The following HRH1 variants were observed in gnomAD, a reference collection of about 807,000 sequenced individuals.
HRH1 encodes the protein histamine H1 receptor.
HRH1 carries 6 observed loss-of-function variants against 10.3 expected under a neutral mutation model. The ratio of observed to expected loss-of-function variants is 0.58; its 90% CI spans 0.32 to 1.15. The LOEUF (loss-of-function observed/expected upper bound fraction) is 1.15. Among genes scored for constraint, HRH1 ranks in the 50% most tolerant of loss-of-function variants. HRH1 has a pLI of 0.05. For synonymous variants in HRH1, 242 were observed against 236.7 expected (o/e 1.02, Z -0.21); for missense variants, 514 against 615.3 (o/e 0.84, Z 1.74).
At position 11,260,242 on chromosome 3, in the gene HRH1, T is replaced by C; in HGVS notation, c.1205T>C (p.Val402Ala). ...KRLRSHSRQYVSGLHMNRERK... is the reference protein window; with the variant it reads ...KRLRSHSRQYASGLHMNRERK... ...CTCCGCTCGCATTCAAGACAGTATG[T>C]ATCTGGGTTGCACATGAACCGCGAA... Residue 402 changes from valine (V) to alanine (A), a missense_variant, in exon 2 of 2, where the codon GTA becomes GCA. Val to Ala is a moderately conservative substitution (Grantham distance 64). Coordinates refer to ENST00000431010, the MANE Select transcript of HRH1 (RefSeq NM_001098212.2). 6.2e-7 allele frequency: 1 copy of C among 1,614,180 alleles called. No homozygotes were observed. Among genetic ancestry groups the C allele is most frequent in the Non-Finnish European group, 8.5e-7 (1 of 1,180,042 alleles).
chr3:11,246,903 C>T (rs1235465489), intron 1 of HRH1, among the ~76,000 whole-genome samples: 1 of 152,092 alleles, frequency 6.6e-6, no homozygotes, highest in African/African-American at 2.4e-5. Flanking sequence ...AAAAATTACC[C>T]AGGCATGGTG....
At chr3:11,236,995 A>G (rs1243434415) in intron 1 of HRH1, among the ~76,000 whole-genome samples, 2 of 152,162 alleles carry the variant, frequency 1.3e-5, no homozygotes, top group Non-Finnish European at 2.9e-5. Flanking sequence ...TTTTTCCTCA[A>G]GAAGAGAACA....
chr3:11,237,664 CTTTTTTTTTTTTTTTTT>C (rs376450222), intron 1 of HRH1, among the ~76,000 whole-genome samples: 1 of 83,088 alleles, frequency 1.2e-5, no homozygotes, highest in Non-Finnish European at 2.2e-5. Flanking sequence ...TTTTCTTTTC[CTTTTTTTTTTTTTTTTT>C]TTTTTTTTTT....
chr3:11,178,395 G>C (rs1021588145), intron 1 of HRH1, among the ~76,000 whole-genome samples: 1 of 152,182 alleles, frequency 6.6e-6, no homozygotes, highest in Non-Finnish European at 1.5e-5. Flanking sequence ...TTATTTCCCC[G>C]TTGGGTGCCT....
intron 1 of HRH1, among the ~76,000 whole-genome samples, chr3:11,183,855 CTTTTTTTTTTTTTT>C (rs60566877): frequency 1.1e-5 from 1 of 91,960 alleles, no homozygotes; most frequent in Non-Finnish European, 2.0e-5. Context: ...GGAAAGCTTG[CTTTTTTTTTTTTTT>C]TTTTTTTTTT....
At chr3:11,181,695 G>A (rs941678237) in intron 1 of HRH1, among the ~76,000 whole-genome samples, 3 of 146,186 alleles carry the variant, frequency 2.1e-5, no homozygotes, top group Non-Finnish European at 3.0e-5. Flanking sequence ...GCAGTGGCGC[G>A]ATCTTAGCTC....
At chr3:11,242,971 T>G (rs7643159) in intron 1 of HRH1, among the ~76,000 whole-genome samples, 3,519 of 152,142 alleles carry the variant, frequency 0.023, 151 homozygotes, top group African/African-American at 0.081. Flanking sequence ...TGGAGTGCAG[T>G]GGCATGATCT....
At chr3:11,155,883 T>A (rs1316059086) in intron 1 of HRH1, among the ~76,000 whole-genome samples, 1 of 152,156 alleles carries the variant, frequency 6.6e-6, no homozygotes. Context: ...CACAGCATTC[T>A]TGGAAGGTAA....
intron 1 of HRH1, among the ~76,000 whole-genome samples, chr3:11,164,869 C>T (rs1414867106): frequency 2.0e-5 from 3 of 152,196 alleles, no homozygotes; most frequent in Non-Finnish European, 4.4e-5. Context: ...TGGTGCTGAA[C>T]TGAATGAACT....
At chr3:11,218,844 G>A (rs1938602011) in intron 1 of HRH1, among the ~76,000 whole-genome samples, 1 of 152,074 alleles carries the variant, frequency 6.6e-6, no homozygotes, top group African/African-American at 2.4e-5. Flanking sequence ...CCAAAGTGCT[G>A]GGATTACAGG....
intron 1 of HRH1, among the ~76,000 whole-genome samples, chr3:11,187,405 G>A (rs2125019768): frequency 6.6e-6 from 1 of 151,728 alleles, no homozygotes; most frequent in South Asian, 2.1e-4. Flanking sequence ...ACATTTTGAA[G>A]AAGAGAAAAA....
At chr3:11,170,390 G>C (rs1054681740) in intron 1 of HRH1, among the ~76,000 whole-genome samples, 1 of 152,268 alleles carries the variant, frequency 6.6e-6, no homozygotes, top group African/African-American at 2.4e-5. Context: ...GCCAGCTTTG[G>C]ATAAGCTCGC....
intron 1 of HRH1, among the ~76,000 whole-genome samples, chr3:11,201,650 A>G (rs532687094): frequency 6.6e-6 from 1 of 152,292 alleles, no homozygotes; most frequent in South Asian, 2.1e-4. Flanking sequence ...ATATCCTTAG[A>G]CTAGTCGGAG....
At chr3:11,151,203 T>C (rs1319994081), upstream of HRH1, among the ~76,000 whole-genome samples, 1 of 152,226 alleles carries the variant, frequency 6.6e-6, no homozygotes, top group Non-Finnish European at 1.5e-5. Flanking sequence ...TGGAAATATT[T>C]GGAAAGACGT....
At position 11,257,669 on chromosome 3, in the gene HRH1, GTAGAGCCT is replaced by G. The variant is rs1310554042; in HGVS notation, c.-35-1330_-35-1323del. ...TAACAGAGGATACAGTCCGTTTTCA[GTAGAGCCT>G]TAGTAGCAAAGGGTTTTCATTTTTA... is the stretch of plus-strand genomic sequence containing the variant. On this transcript the variant is annotated intron_variant, in intron 1 of 1. Coordinates refer to ENST00000431010, the MANE Select transcript of HRH1 (RefSeq NM_001098212.2). Among the ~76,000 whole-genome samples, 11 of 152,142 alleles carry G rather than the reference GTAGAGCCT, an allele frequency of 7.2e-5. 1 individual carries two copies. Among genetic ancestry groups the G allele is most frequent in the Non-Finnish European group, 1.2e-4 (8 of 68,034 alleles).
intron 1 of HRH1, among the ~76,000 whole-genome samples, chr3:11,149,236 T>G (rs1464878484): frequency 6.6e-6 from 1 of 152,238 alleles, no homozygotes; most frequent in African/African-American, 2.4e-5. Flanking sequence ...TAGATATATA[T>G]TTTTAAAAAC....
intron 1 of HRH1, among the ~76,000 whole-genome samples, chr3:11,185,242 C>T (rs937427307): frequency 6.6e-6 from 1 of 152,242 alleles, no homozygotes. Flanking sequence ...TGGAGCATAG[C>T]GCTGAGGCTC....
chr3:11,211,351 A>G (rs539786967), intron 1 of HRH1, among the ~76,000 whole-genome samples: 1 of 152,368 alleles, frequency 6.6e-6, no homozygotes, highest in Admixed American at 6.5e-5. Flanking sequence ...CCAGGGCTGC[A>G]TCTGGTGGCT....
chr3:11,176,913 T>G (rs1979808), intron 1 of HRH1, among the ~76,000 whole-genome samples: 2 of 151,806 alleles, frequency 1.3e-5, no homozygotes, highest in African/African-American at 4.9e-5. Flanking sequence ...GCCAACATGA[T>G]GAAACTCCGT....
Sources: allele counts gnomAD v4.1 joint callset (sites outside exome capture counted in the v4.1 genomes callset), GRCh38; gene constraint gnomAD v4.1.1; transcripts MANE v1.5; gene names NCBI Gene and HGNC (gene_info 2026-07-23, HGNC 2026-07-21).